Variants in PLCB4 observed in about 807,000 individuals in gnomAD.
The protein encoded by PLCB4 is phospholipase C beta 4, also known as 1-phosphatidylinositol 4,5-bisphosphate phosphodiesterase beta-4.
Under a neutral mutation model 178.8 loss-of-function variants are expected in PLCB4, and 77 were observed. That is an observed-to-expected ratio of 0.43 (90% CI 0.36 to 0.52). PLCB4 has a LOEUF of 0.52. Ranked by LOEUF, PLCB4 falls within the 20% of genes least tolerant of loss-of-function variation. The pLI is 0.00. For synonymous variants in PLCB4, 496 were observed against 490.8 expected (o/e 1.01, Z -0.14); for missense variants, 1,024 against 1,453.4 (o/e 0.70, Z 4.80).
At chr20:9,447,085 C>T (rs961829813) in intron 32 of PLCB4, among the ~76,000 whole-genome samples, 1 of 152,142 alleles carries the variant, frequency 6.6e-6, no homozygotes, top group Non-Finnish European at 1.5e-5. Flanking sequence ...GCAATACTAG[C>T]TTGTACATAT....
At chr20:9,151,131 A>C (rs550724242) in intron 2 of PLCB4, among the ~76,000 whole-genome samples, 1 of 152,338 alleles carries the variant, frequency 6.6e-6, no homozygotes, top group South Asian at 2.1e-4. Context: ...ACAATACAAC[A>C]ATAAAAATAG....
intron 29 of PLCB4, 128 bp from the exon 30 acceptor site, chr20:9,436,874 C>A (rs2041805517): frequency 2.4e-6 from 2 of 816,754 alleles, no homozygotes; most frequent in Non-Finnish European, 3.8e-6. Flanking sequence ...GGATCCTTTG[C>A]CTTTAAGAGA....
intron 7 of PLCB4, among the ~76,000 whole-genome samples, chr20:9,343,886 G>C (rs919251193): frequency 4.6e-5 from 7 of 152,164 alleles, no homozygotes; most frequent in African/African-American, 1.7e-4. Flanking sequence ...ACCCTCAGCA[G>C]GTATCCAGAA....
chr20:9,167,361 A>C (rs1433360980), intron 2 of PLCB4, among the ~76,000 whole-genome samples: 1 of 152,206 alleles, frequency 6.6e-6, no homozygotes, highest in African/African-American at 2.4e-5. Flanking sequence ...ATAAGGCATA[A>C]ATTTTAAAAA....
chr20:9,458,784 C>T (rs1473559744), intron 34 of PLCB4, among the ~76,000 whole-genome samples: 1 of 152,148 alleles, frequency 6.6e-6, no homozygotes, highest in Admixed American at 6.5e-5. Flanking sequence ...AGTCACAGGT[C>T]ACCCAGCTTC....
chr20:9,408,170 C>A, intron 22 of PLCB4, 112 bp downstream of exon 22: 1 of 844,710 alleles, frequency 1.2e-6, no homozygotes, highest in African/African-American at 1.7e-5. Flanking sequence ...GGGGGCTGTT[C>A]CACCTCACCT....
chr20:9,252,000 CT>C (rs1293324005), intron 3 of PLCB4, among the ~76,000 whole-genome samples: 2 of 152,000 alleles, frequency 1.3e-5, no homozygotes, highest in African/African-American at 4.8e-5. Flanking sequence ...TATTTTATGC[CT>C]ATAGCACGTC....
intron 7 of PLCB4, among the ~76,000 whole-genome samples, chr20:9,342,657 T>G (rs1161185457): frequency 8.2e-6 from 1 of 122,380 alleles, no homozygotes; most frequent in Non-Finnish European, 1.8e-5. Context: ...TGTTTTGGGG[T>G]TTTTTTTTTT....
intron 28 of PLCB4, among the ~76,000 whole-genome samples, chr20:9,428,166 GA>G (rs2041157063): frequency 6.6e-6 from 1 of 152,096 alleles, no homozygotes; most frequent in African/African-American, 2.4e-5. Flanking sequence ...CCATTCCTGG[GA>G]AATAATCTCA....
At chr20:9,159,403 T>G (rs1464587815) in intron 2 of PLCB4, among the ~76,000 whole-genome samples, 1 of 152,168 alleles carries the variant, frequency 6.6e-6, no homozygotes, top group East Asian at 1.9e-4. Flanking sequence ...TATTATATAT[T>G]GATTATAGTG....
intron 3 of PLCB4, among the ~76,000 whole-genome samples, chr20:9,290,117 T>A (rs1997698): frequency 6.6e-6 from 1 of 151,074 alleles, no homozygotes; most frequent in Non-Finnish European, 1.5e-5. Context: ...TGAAACTTGC[T>A]GGCAGTCTTG....
chr20:9,467,278 G>C (rs1040619540), intron 35 of PLCB4, among the ~76,000 whole-genome samples: 1 of 152,100 alleles, frequency 6.6e-6, no homozygotes, highest in Non-Finnish European at 1.5e-5. Flanking sequence ...GGGCCTTTTG[G>C]AGGGTGGGGG....
At position 9,205,343 on chromosome 20, in the gene PLCB4, T is replaced by C. The variant is rs567061744; in HGVS notation, c.-78-12047T>C. Among the ~76,000 whole-genome samples, 152 of 152,376 alleles carry C rather than the reference T, an allele frequency of 1.0e-3. 1 individual carries two copies. The highest frequency in any genetic ancestry group is 8.3e-4 in the South Asian group (4 of 4,832). On this transcript the variant is annotated intron_variant, in intron 2 of 39. Transcript: ENST00000378473. ...GCTATGGTGTTTGGCATGTTAGGTA[T>C]GTTAAATGTATTTTTGACTTACCGT...
intron 2 of PLCB4, among the ~76,000 whole-genome samples, chr20:9,115,430 C>CT (rs1443380673): frequency 9.9e-4 from 136 of 137,982 alleles, no homozygotes; most frequent in African/African-American, 1.6e-3. Context: ...AAAACTTCTT[C>CT]TTCTTTTTTT....
chr20:9,479,138 G>A lies in PLCB4; in HGVS notation c.*129G>A, dbSNP rs1325980346. ...TGATATCTGAAACCAGAGAGACTTG[G>A]AATGTCTGACTGACTTCTATTTAAC... On this transcript the variant is annotated 3_prime_UTR_variant, in exon 40 of 40. Transcript: ENST00000378473. The A allele has an allele frequency of 4.3e-6, 3 of 693,562 alleles. No individual in the cohort carries two copies. The highest frequency in any genetic ancestry group is 7.6e-6 in the Non-Finnish European group (3 of 393,790). 43.0% of individuals were successfully genotyped at this position (693,562 alleles called of 1,614,324 possible).
At chr20:9,228,098 C>T (rs780863819) in intron 3 of PLCB4, among the ~76,000 whole-genome samples, 2 of 152,140 alleles carry the variant, frequency 1.3e-5, no homozygotes, top group Non-Finnish European at 2.9e-5. Context: ...TGTTAGAATT[C>T]CAAGGGGCCA....
intron 2 of PLCB4, among the ~76,000 whole-genome samples, chr20:9,194,025 G>A (rs1555871942): frequency 6.6e-6 from 1 of 151,906 alleles, no homozygotes; most frequent in Non-Finnish European, 1.5e-5. Flanking sequence ...AAAATTGGAA[G>A]CTATCACTCT....
chr20:9,241,894 G>C (rs1251082199), intron 3 of PLCB4, among the ~76,000 whole-genome samples: 1 of 152,150 alleles, frequency 6.6e-6, no homozygotes, highest in Non-Finnish European at 1.5e-5. Flanking sequence ...ATGCATCTGT[G>C]GTCAGCTAGT....
chr20:9,147,963 C>G (rs1024929999), intron 2 of PLCB4, among the ~76,000 whole-genome samples: 6 of 152,108 alleles, frequency 3.9e-5, no homozygotes, highest in Non-Finnish European at 7.4e-5. Context: ...AGACTTTTCT[C>G]CATGCCATGG....
Sources: allele counts gnomAD v4.1 joint callset (sites outside exome capture counted in the v4.1 genomes callset), GRCh38; gene constraint gnomAD v4.1.1; transcripts MANE v1.5; gene names NCBI Gene and HGNC (gene_info 2026-07-23, HGNC 2026-07-21).